Variants in PRKD1 observed in about 807,000 individuals in gnomAD.
PRKD1 encodes the protein protein kinase D1.
Under a neutral mutation model 95.9 loss-of-function variants are expected in PRKD1, and 63 were observed. The ratio of observed to expected loss-of-function variants is 0.66; its 90% CI spans 0.54 to 0.81. PRKD1 has a LOEUF of 0.81. PRKD1 is among the 30% of genes least tolerant of loss of function. PRKD1 has a pLI of 0.00. For missense variants in PRKD1, 1,048 were observed against 1,165.3 expected, an observed-to-expected ratio of 0.90 and a Z score of 1.47; for synonymous variants, 425 against 423.1, an observed-to-expected ratio of 1.00 and a Z score of -0.05.
intron 16 of PRKD1, among the ~76,000 whole-genome samples, chr14:29,579,813 C>T (rs1892695121): frequency 6.6e-6 from 1 of 152,188 alleles, no homozygotes; most frequent in Non-Finnish European, 1.5e-5. Flanking sequence ...TGCCTATACA[C>T]TCTTGCCTTA....
intron 2 of PRKD1, among the ~76,000 whole-genome samples, chr14:29,697,191 C>T (rs2139315042): frequency 6.6e-6 from 1 of 151,462 alleles, no homozygotes; most frequent in South Asian, 2.1e-4. Context: ...ACAAACACCA[C>T]CACCACCAAC....
At chr14:29,670,810 C>A (rs559773912) in intron 2 of PRKD1, among the ~76,000 whole-genome samples, 69 of 152,258 alleles carry the variant, frequency 4.5e-4, no homozygotes, top group African/African-American at 1.6e-3. Context: ...TTCATGCAAC[C>A]GTTGTTCAAG....
intron 1 of PRKD1, among the ~76,000 whole-genome samples, chr14:29,793,647 C>T (rs928431475): frequency 5.3e-5 from 8 of 151,860 alleles, no homozygotes; most frequent in Middle Eastern, 6.8e-3. Flanking sequence ...AAGAGATGAG[C>T]GCAAGTTTTT....
intron 16 of PRKD1, chr14:29,594,057 T>C (rs1893217147): frequency 9.1e-6 from 4 of 438,454 alleles, no homozygotes; most frequent in South Asian, 1.7e-5. Flanking sequence ...GGGTTCTCTC[T>C]AATGCAGAGA....
chr14:29,838,002 G>C (rs1287356600), intron 1 of PRKD1, among the ~76,000 whole-genome samples: 2 of 152,064 alleles, frequency 1.3e-5, no homozygotes, highest in Admixed American at 6.5e-5. Context: ...TGTGGGCTTG[G>C]GAAACTATCT....
In PRKD1 at chr14:29,826,704, T is replaced by TATATAC. The variant is rs1255056804; in HGVS notation, c.264+100544_264+100545insGTATAT. On this transcript the variant is annotated intron_variant, in intron 1 of 17. Coordinates refer to ENST00000331968, the MANE Select transcript of PRKD1 (RefSeq NM_002742.3). The stretch of plus-strand genomic sequence containing the variant: ...ATATATACACACATATATATACATA[T>TATATAC]ATACACATATATATATACATATATA... Among the ~76,000 whole-genome samples the TATATAC allele has an allele frequency of 2.2e-3, 180 of 82,368 alleles. 12 individuals are homozygous for TATATAC. The highest frequency in any genetic ancestry group is 9.6e-3 in the Middle Eastern group (1 of 104). The allele number at this position is 82,368 out of a possible 152,430, so 54.0% of individuals were successfully genotyped here.
chr14:29,645,898 C>T (rs1319118327), intron 4 of PRKD1, among the ~76,000 whole-genome samples: 2 of 152,118 alleles, frequency 1.3e-5, no homozygotes, highest in Admixed American at 1.3e-4. Flanking sequence ...CATCCTGTCT[C>T]CTCCAAAGTC....
rs1488367973 is a variant in PRKD1 at position 29,636,187 on chromosome 14, A to G, written c.1190+103T>C. On this transcript the variant is annotated intron_variant, in intron 7 of 17. Transcript: ENST00000331968. Reference sequence around the variant, plus strand: ...TTCATTCATATAAAAGTAAACGTGCACTTCACATTTCTACTATAATCTATT... The same window carrying G: ...TTCATTCATATAAAAGTAAACGTGCGCTTCACATTTCTACTATAATCTATT... The G allele has an allele frequency of 2.2e-6, 3 of 1,353,954 alleles. No homozygotes were observed. The African/African-American group carries it at 4.3e-5, about 20-fold the overall frequency. 83.9% of individuals were successfully genotyped at this position (1,353,954 alleles called of 1,614,324 possible). A position where few individuals can be genotyped will look rare whatever the true frequency, so the allele number is the denominator to read the frequency against.
At chr14:29,884,878 T>G (rs1231973208) in intron 1 of PRKD1, among the ~76,000 whole-genome samples, 1 of 152,254 alleles carries the variant, frequency 6.6e-6, no homozygotes, top group Admixed American at 6.5e-5. Flanking sequence ...ATCCCAGCAC[T>G]TTGGGAGGCC....
At chr14:29,777,113 C>G (rs1243577306) in intron 1 of PRKD1, among the ~76,000 whole-genome samples, 2 of 152,130 alleles carry the variant, frequency 1.3e-5, no homozygotes, top group African/African-American at 2.4e-5. Context: ...TTGTCACCAC[C>G]AGGCCTGCCT....
At chr14:29,762,049 G>A (rs1888017666) in intron 1 of PRKD1, among the ~76,000 whole-genome samples, 1 of 152,110 alleles carries the variant, frequency 6.6e-6, no homozygotes, top group Admixed American at 6.5e-5. Context: ...AAGGATTATA[G>A]GTGTGAGCCA....
rs34161174 is a variant in PRKD1 at position 29,787,215 on chromosome 14, G to GTTT, written c.265-61544_265-61542dup. On this transcript the variant is annotated intron_variant, in intron 1 of 17. Coordinates refer to ENST00000331968, the MANE Select transcript of PRKD1 (RefSeq NM_002742.3). ...AGGTACTTGATATAATTTGTTCAGT[G>GTTT]TTTTTTTTTTTTTTTTTTTTTTGAG... Among the ~76,000 whole-genome samples, 314 of 85,098 alleles carry GTTT rather than the reference G, an allele frequency of 3.7e-3. 1 individual carries two copies. The highest frequency in any genetic ancestry group is 6.0e-3 in the African/African-American group (131 of 21,990). The allele number at this position is 85,098 out of a possible 152,430, so 55.8% of individuals were successfully genotyped here.
intron 13 of PRKD1, among the ~76,000 whole-genome samples, chr14:29,616,243 CAAAAAAA>C (rs72142312): frequency 5.9e-5 from 2 of 33,958 alleles, no homozygotes; most frequent in African/African-American, 1.3e-4. Context: ...AGAGTATGGC[CAAAAAAA>C]AAAAAAAAAA....
chr14:29,593,405 A>T (rs1456112288), intron 16 of PRKD1, among the ~76,000 whole-genome samples: 1 of 152,156 alleles, frequency 6.6e-6, no homozygotes, highest in African/African-American at 2.4e-5. Context: ...TTTTCCCTGC[A>T]GGAACTTCCT....
At chr14:29,893,955 C>A (rs1894028494) in intron 1 of PRKD1, among the ~76,000 whole-genome samples, 1 of 152,210 alleles carries the variant, frequency 6.6e-6, no homozygotes, top group Non-Finnish European at 1.5e-5. Flanking sequence ...ACCTGCATAT[C>A]TTTGACCTCA....
intron 1 of PRKD1, among the ~76,000 whole-genome samples, chr14:29,898,655 A>G (rs1329984012): frequency 6.6e-6 from 1 of 152,198 alleles, no homozygotes; most frequent in Non-Finnish European, 1.5e-5. Context: ...AATTCTGACC[A>G]AAACAGAAGC....
chr14:29,785,847 A>G (rs1258398067), intron 1 of PRKD1, among the ~76,000 whole-genome samples: 2 of 150,768 alleles, frequency 1.3e-5, no homozygotes, highest in Non-Finnish European at 3.0e-5. Flanking sequence ...ATAAATAAAT[A>G]AATAAATAAA....
intron 1 of PRKD1, among the ~76,000 whole-genome samples, chr14:29,756,927 C>A (rs1038259550): frequency 6.6e-6 from 1 of 152,192 alleles, no homozygotes; most frequent in Non-Finnish European, 1.5e-5. Flanking sequence ...ACTCTAATAT[C>A]CTCTGGTTAG....
chr14:29,626,637 T>C (rs888611781), intron 11 of PRKD1, 81 bp from the exon 12 acceptor site: 5 of 729,866 alleles, frequency 6.9e-6, no homozygotes, highest in African/African-American at 1.9e-5. Flanking sequence ...TTCTATTAAA[T>C]ATATTATAAA....
Sources: allele counts gnomAD v4.1 joint callset (sites outside exome capture counted in the v4.1 genomes callset), GRCh38; gene constraint gnomAD v4.1.1; transcripts MANE v1.5; gene names NCBI Gene and HGNC (gene_info 2026-07-23, HGNC 2026-07-21).